Variants in ATP10B observed in about 807,000 individuals in gnomAD.
ATP10B encodes phospholipid-transporting ATPase VB.
Under a neutral mutation model 141.2 loss-of-function variants are expected in ATP10B, and 122 were observed. That is an observed-to-expected ratio of 0.86 (90% confidence interval 0.75 to 1.00). The LOEUF (loss-of-function observed/expected upper bound fraction) is 1.00, where lower values mean the gene tolerates loss of function less well. ATP10B is among the 50% of genes least tolerant of loss of function. ATP10B has a pLI of 0.00. For missense variants in ATP10B, 1,876 were observed against 1,825.3 expected, an observed-to-expected ratio of 1.03 and a Z score of -0.51; for synonymous variants, 685 against 692.0, an observed-to-expected ratio of 0.99 and a Z score of 0.16.
chr5:160,801,969 A>T (rs1195170330), intron 1 of ATP10B, among the ~76,000 whole-genome samples: 1 of 152,180 alleles, frequency 6.6e-6, no homozygotes, highest in Non-Finnish European at 1.5e-5. Context: ...TATTTATCGG[A>T]TGCAGGCAGC....
chr5:160,868,406 A>T, the ATP10B span, among the ~76,000 whole-genome samples: 1 of 152,060 alleles, frequency 6.6e-6, no homozygotes, highest in Non-Finnish European at 1.5e-5. Flanking sequence ...TATGCCACAT[A>T]CATTGAACAT....
At chr5:160,734,106 C>CAAA (rs34655958) in intron 2 of ATP10B, among the ~76,000 whole-genome samples, 15 of 67,906 alleles carry the variant, frequency 2.2e-4, no homozygotes, top group African/African-American at 6.9e-4. Context: ...GACTCCATCT[C>CAAA]AAAAAAAAAA....
At chr5:160,630,563 C>G (rs940225353) in intron 13 of ATP10B, among the ~76,000 whole-genome samples, 15 of 152,156 alleles carry the variant, frequency 9.9e-5, no homozygotes, top group Admixed American at 8.5e-4. Context: ...AGAATCTGTG[C>G]CTAATGAGAA....
At chr5:160,752,822 A>G (rs1386126240) in intron 2 of ATP10B, among the ~76,000 whole-genome samples, 2 of 152,204 alleles carry the variant, frequency 1.3e-5, no homozygotes, top group Non-Finnish European at 2.9e-5. Flanking sequence ...TTAAAGTGTT[A>G]GTCAAAGAAC....
intron 1 of ATP10B, among the ~76,000 whole-genome samples, chr5:160,834,102 A>T (rs1041324175): frequency 3.3e-5 from 5 of 152,160 alleles, no homozygotes; most frequent in Admixed American, 2.0e-4. Flanking sequence ...AGGTGGGTGG[A>T]TCACTTGAGG....
chr5:160,825,850 T>C lies in ATP10B; in HGVS notation c.-576+26091A>G, dbSNP rs577028092. On this transcript the variant is annotated intron_variant, in intron 1 of 25. Coordinates refer to ENST00000327245, the MANE Select transcript of ATP10B (RefSeq NM_025153.3). Reference sequence around the variant, plus strand: ...TAGTCAGCAGTGTCTATTGTTCCCATGTTTATGTCCATGTGCACTCAATGT... The same window carrying C: ...TAGTCAGCAGTGTCTATTGTTCCCACGTTTATGTCCATGTGCACTCAATGT... Among the ~76,000 whole-genome samples, 17 of 152,316 alleles carry C rather than the reference T, an allele frequency of 1.1e-4. No homozygotes were observed. In the South Asian group the frequency reaches 1.9e-3, roughly 17 times the overall value.
intron 3 of ATP10B, among the ~76,000 whole-genome samples, chr5:160,696,805 A>C (rs573290498): frequency 1.4e-4 from 22 of 152,342 alleles, no homozygotes; most frequent in African/African-American, 5.3e-4. Flanking sequence ...CTATCCATGC[A>C]CCCAAGCATT....
intron 1 of ATP10B, among the ~76,000 whole-genome samples, chr5:160,848,036 ATAAC>A (rs999765264): frequency 3.3e-5 from 5 of 152,172 alleles, no homozygotes; most frequent in Non-Finnish European, 5.9e-5. Flanking sequence ...CCTGGGGAAA[ATAAC>A]TATTTATGCC....
chr5:160,747,237 G>C (rs1452165072), intron 2 of ATP10B, among the ~76,000 whole-genome samples: 5 of 152,120 alleles, frequency 3.3e-5, no homozygotes, highest in African/African-American at 1.2e-4. Context: ...TATGTTACCT[G>C]CCTGGCCTCT....
chr5:160,861,742 T>G, the ATP10B span, among the ~76,000 whole-genome samples: 586 of 152,050 alleles, frequency 3.9e-3, 2 homozygotes, highest in Non-Finnish European at 6.5e-3. Context: ...CTCATACCTT[T>G]TCGAATCAGG....
intron 20 of ATP10B, chr5:160,603,285 A>G (rs1757199121): frequency 6.5e-6 from 1 of 154,466 alleles, no homozygotes; most frequent in South Asian, 2.0e-4. Context: ...CAGTTTCCCC[A>G]TCTAAAAAAT....
chr5:160,767,661 C>T (rs1360964658), intron 2 of ATP10B, among the ~76,000 whole-genome samples: 2 of 135,248 alleles, frequency 1.5e-5, no homozygotes, highest in African/African-American at 5.4e-5. Flanking sequence ...TAACAGGTTA[C>T]TCTGACTGGT....
chr5:160,808,546 A>G (rs913484316), intron 1 of ATP10B, among the ~76,000 whole-genome samples: 1 of 152,170 alleles, frequency 6.6e-6, no homozygotes, highest in African/African-American at 2.4e-5. Context: ...TTATCATTCC[A>G]TTTAATCAGT....
intron 13 of ATP10B, among the ~76,000 whole-genome samples, chr5:160,623,647 G>C (rs1355941787): frequency 6.6e-6 from 1 of 151,946 alleles, no homozygotes; most frequent in African/African-American, 2.4e-5. Flanking sequence ...CCATCCCTTT[G>C]GAATTCACTA....
Position 160,565,426 on chromosome 5 carries a change from TGA to T in ATP10B, c.*25_*26del. 6.2e-7 allele frequency: 1 copy of T among 1,607,454 alleles called. No homozygotes were observed. The highest frequency in any genetic ancestry group is 8.5e-7 in the Non-Finnish European group (1 of 1,175,462). On this transcript the variant is annotated 3_prime_UTR_variant, in exon 26 of 26. Coordinates refer to ENST00000327245, the MANE Select transcript of ATP10B (RefSeq NM_025153.3). ...GGACCAGTGACTAGGTGGCCTCTGT[TGA>T]GTTTGTACAGATTTCTGCAGCTCCT... is the stretch of plus-strand genomic sequence containing the variant.
At chr5:160,717,416 TTC>T (rs1400870017) in intron 2 of ATP10B, among the ~76,000 whole-genome samples, 4 of 152,234 alleles carry the variant, frequency 2.6e-5, no homozygotes, top group African/African-American at 9.6e-5. Flanking sequence ...AGTTCTCTTT[TTC>T]TGTCTCAATT....
rs762011573 is a variant in ATP10B, at chr5:160,620,680, A to T, written c.2083T>A (p.Ser695Thr). Residue 695 changes from serine to threonine, a missense_variant, in exon 15 of 26, where the codon TCA becomes ACA. Ser to Thr is a moderately conservative substitution (Grantham distance 58). Coordinates refer to ENST00000327245, the MANE Select transcript of ATP10B (RefSeq NM_025153.3). ...WDQGDILESG[S>T]GTSLEEALEA... Reference sequence around the variant, plus strand: ...AATGCCTCCTCCAAGGAAGTGCCTGACCCAGACTCCAGGATGTCGCCCTGG... The same window carrying T: ...AATGCCTCCTCCAAGGAAGTGCCTGTCCCAGACTCCAGGATGTCGCCCTGG... 6.2e-7 allele frequency: 1 copy of T among 1,613,874 alleles called. No homozygotes were observed. The highest frequency in any genetic ancestry group is 8.5e-7 in the Non-Finnish European group (1 of 1,179,826).
chr5:160,611,419 C>T (rs1757714058), intron 18 of ATP10B, among the ~76,000 whole-genome samples: 1 of 152,112 alleles, frequency 6.6e-6, no homozygotes, highest in South Asian at 2.1e-4. Context: ...GCAGGACAGG[C>T]AGGCACAGGG....
chr5:160,873,859 T>C, the ATP10B span, among the ~76,000 whole-genome samples: 2 of 152,126 alleles, frequency 1.3e-5, no homozygotes, highest in African/African-American at 2.4e-5. Flanking sequence ...CGAGATTATA[T>C]CCCACACCTG....
Sources: allele counts gnomAD v4.1 joint callset (sites outside exome capture counted in the v4.1 genomes callset), GRCh38; gene constraint gnomAD v4.1.1; transcripts MANE v1.5; gene names NCBI Gene and HGNC (gene_info 2026-07-23, HGNC 2026-07-21).